Variants in REL observed in about 807,000 individuals in gnomAD.
REL encodes the protein REL proto-oncogene, NF-kB subunit.
REL carries 15 observed loss-of-function variants against 45.9 expected under a neutral mutation model. The observed-to-expected ratio is 0.33, with a 90% confidence interval of 0.22 to 0.50. REL has a LOEUF of 0.50. REL is among the 20% of genes least tolerant of loss of function. REL has a pLI of 0.98. For missense variants in REL, 601 were observed against 715.2 expected, an observed-to-expected ratio of 0.84 and a Z score of 1.82; for synonymous variants, 239 against 242.1, an observed-to-expected ratio of 0.99 and a Z score of 0.12.
intron 4 of REL, 42 bp downstream of exon 4, chr2:60,901,125 T>C: frequency 6.7e-7 from 1 of 1,503,694 alleles, no homozygotes; most frequent in Non-Finnish European, 8.8e-7. Context: ...ATTTGGGTGT[T>C]GATTTCTGTT....
At chr2:60,885,326 CAG>C (rs1174527038) in intron 1 of REL, among the ~76,000 whole-genome samples, 4 of 152,100 alleles carry the variant, frequency 2.6e-5, no homozygotes, top group African/African-American at 9.7e-5. Context: ...ATTTTTAAAA[CAG>C]AGGTGATTTG....
At position 60,920,035 on chromosome 2, in the gene REL, A is replaced by C. The variant is rs776325358; in HGVS notation, c.854-6A>C. On this transcript the variant is annotated splice_polypyrimidine_tract_variant and splice_region_variant and intron_variant, in intron 7 of 9. Coordinates refer to ENST00000394479, the MANE Select transcript of REL (RefSeq NM_001291746.2). Reference sequence around the variant, plus strand: ...TTATCTGCTTTCCTGGTTTCTTTCTAATCAGATACTTACGGCAATAAAGCA... The same window carrying C: ...TTATCTGCTTTCCTGGTTTCTTTCTCATCAGATACTTACGGCAATAAAGCA... 36 of 1,596,332 alleles carry C rather than the reference A, an allele frequency of 2.3e-5. No individual in the cohort carries two copies. The highest frequency in any genetic ancestry group is 3.1e-5 in the Non-Finnish European group (36 of 1,168,562).
chr2:60,918,530 A>G lies in REL; in HGVS notation c.777A>G (p.Val259=), dbSNP rs1674046221. ...YCKAITEPVT[V]KMQLRRPSDQ... is the part of the protein sequence containing the mutation. ...AAGCTATCACAGAACCCGTAACAGT[A>G]AAAATGCAGTTGCGGAGACCTTCTG... Residue 259 remains valine (V), a synonymous_variant, in exon 7 of 10, where the codon GTA becomes GTG. Coordinates refer to ENST00000394479, the MANE Select transcript of REL (RefSeq NM_001291746.2). The G allele has an allele frequency of 1.2e-6, 2 of 1,614,140 alleles. No homozygotes were observed. Among genetic ancestry groups the G allele is most frequent in the Non-Finnish European group, 1.7e-6 (2 of 1,179,988 alleles).
At chr2:60,893,046 C>T (rs1038302378) in intron 2 of REL, among the ~76,000 whole-genome samples, 6 of 152,194 alleles carry the variant, frequency 3.9e-5, no homozygotes, top group Non-Finnish European at 5.9e-5. Context: ...AGCCAACATG[C>T]CCAGCCCAAT....
At position 60,926,668 on chromosome 2, in the gene REL, G is replaced by A. The variant is rs34518355; in HGVS notation, c.*4133G>A. The A allele has an allele frequency of 0.24, 55,688 of 227,656 alleles. 8,478 individuals are homozygous for A. Among genetic ancestry groups the A allele is most frequent in the Non-Finnish European group, 0.34 (39,105 of 114,658 alleles). The allele number at this position is 227,656 out of a possible 1,614,324, so 14.1% of individuals were successfully genotyped here. On this transcript the variant is annotated 3_prime_UTR_variant, in exon 10 of 10. Transcript: ENST00000394479. ...CCTGAATGTCCTGATAAACTGGCTC[G>A]CTCTCTTCTTTACCTTCCATAATGG... is the stretch of plus-strand genomic sequence containing the variant.
In REL at chr2:60,926,822, C is replaced by T; in HGVS notation, c.*4287C>T. 4.4e-6 allele frequency: 1 copy of T among 227,978 alleles called. No homozygotes were observed. Among genetic ancestry groups the T allele is most frequent in the East Asian group, 6.2e-5 (1 of 16,040 alleles). The allele number at this position is 227,978 out of a possible 1,614,324, so 14.1% of individuals were successfully genotyped here. A position where few individuals can be genotyped will look rare whatever the true frequency, so the allele number is the denominator to read the frequency against. On this transcript the variant is annotated 3_prime_UTR_variant, in exon 10 of 10. Coordinates refer to ENST00000394479, the MANE Select transcript of REL (RefSeq NM_001291746.2). ...TTGTCTCCTCTTGAATATGTCCCTTCTTAATTCCTGCTGCCTTCTTAGTAA... is the reference window on the plus strand; with the variant it reads ...TTGTCTCCTCTTGAATATGTCCCTTTTTAATTCCTGCTGCCTTCTTAGTAA...
intron 4 of REL, among the ~76,000 whole-genome samples, chr2:60,902,890 A>AT (rs1300052183): frequency 2.6e-5 from 4 of 152,106 alleles, no homozygotes; most frequent in Admixed American, 2.6e-4. Context: ...CACCCGGTCT[A>AT]TTTAGTCTTC....
rs11339518 is a variant in REL, at chr2:60,925,696, ATT to A, written c.*3174_*3175del. ...ATGATGATGGATGATAGGTGGGGAG[ATT>A]TTTTTTTTTTTTAATACAGAATCTC... On this transcript the variant is annotated 3_prime_UTR_variant, in exon 10 of 10. Coordinates refer to ENST00000394479, the MANE Select transcript of REL (RefSeq NM_001291746.2). The A allele has an allele frequency of 0.017, 3,099 of 178,622 alleles. No homozygotes were observed. The highest frequency in any genetic ancestry group is 0.062 in the Middle Eastern group (29 of 468). 11.1% of individuals were successfully genotyped at this position (178,622 alleles called of 1,614,324 possible). A position where few individuals can be genotyped will look rare whatever the true frequency, so the allele number is the denominator to read the frequency against.
intron 7 of REL, among the ~76,000 whole-genome samples, chr2:60,919,106 T>C (rs1674061004): frequency 6.6e-6 from 1 of 152,246 alleles, no homozygotes. Context: ...TTTTTGAAGG[T>C]CTGTTTTAGT....
At chr2:60,885,417 G>T (rs6545835) in intron 1 of REL, among the ~76,000 whole-genome samples, 32,604 of 151,988 alleles carry the variant, frequency 0.21, 3,631 homozygotes, top group Middle Eastern at 0.35. Context: ...ACCCTGGCAC[G>T]TGCAAGAGTT....
At chr2:60,891,467 A>T (rs2103926744) in intron 1 of REL, among the ~76,000 whole-genome samples, 1 of 152,248 alleles carries the variant, frequency 6.6e-6, no homozygotes, top group Non-Finnish European at 1.5e-5. Flanking sequence ...GGTTTGAATG[A>T]CTTGTTTTGA....
intron 1 of REL, among the ~76,000 whole-genome samples, chr2:60,886,142 T>G (rs1355708469): frequency 2.6e-5 from 4 of 152,206 alleles, no homozygotes; most frequent in African/African-American, 9.6e-5. Flanking sequence ...AGGAGTGTGT[T>G]AGAATTTCTT....
At chr2:60,919,985 G>T (rs1249578736) in intron 7 of REL, 56 bp from the exon 8 acceptor site, 3 of 1,068,846 alleles carry the variant, frequency 2.8e-6, no homozygotes, top group Non-Finnish European at 4.2e-6. Context: ...GTTTATTAAA[G>T]GAGAGGATAC....
chr2:60,918,217 A>G lies in REL; in HGVS notation c.562A>G (p.Ile188Val). Residue 188 changes from isoleucine to valine, a missense_variant, in exon 6 of 10, where the codon ATT becomes GTT. Transcript: ENST00000394479. ...TGCTCCAAATACTGCAGAATTAAGG[A>G]TTTGTCGTGTAAACAAGAATTGTGG... ...NRAPNTAELR[I>V]CRVNKNCGSV... The G allele has an allele frequency of 6.2e-7, 1 of 1,607,762 alleles. No individual in the cohort carries two copies. Among genetic ancestry groups the G allele is most frequent in the Non-Finnish European group, 8.5e-7 (1 of 1,176,518 alleles).
chr2:60,891,761 G>A lies in REL; in HGVS notation c.89G>A (p.Arg30Gln), dbSNP rs1673221568. ...GMRFRYKCEGRSAGSIPGEHS... is the reference protein window; with the variant it reads ...GMRFRYKCEGQSAGSIPGEHS... ...CGTTTTAGATACAAATGTGAAGGGC[G>A]ATCAGCAGGCAGCATTCCAGGGGAG... The change falls in exon 2 of 10, where the codon CGA becomes CAA. Residue 30 changes from arginine to glutamine, a missense_variant. Transcript: ENST00000394479. 3.1e-6 allele frequency: 5 copies of A among 1,614,002 alleles called. No individual in the cohort carries two copies. The highest frequency in any genetic ancestry group is 4.2e-6 in the Non-Finnish European group (5 of 1,179,942).
intron 4 of REL, among the ~76,000 whole-genome samples, chr2:60,906,367 C>G (rs1176457577): frequency 1.3e-5 from 2 of 152,100 alleles, no homozygotes; most frequent in African/African-American, 4.8e-5. Context: ...GCTTACCCAG[C>G]CCACTAAATT....
intron 4 of REL, among the ~76,000 whole-genome samples, chr2:60,904,630 G>A (rs756560680): frequency 5.3e-5 from 8 of 151,604 alleles, no homozygotes; most frequent in African/African-American, 9.7e-5. Context: ...TCTTATGCCT[G>A]TAATCCCAGC....
At chr2:60,887,142 T>A (rs1293150508) in intron 1 of REL, among the ~76,000 whole-genome samples, 3 of 152,224 alleles carry the variant, frequency 2.0e-5, no homozygotes. Flanking sequence ...TCAGGAAGAA[T>A]GGCATTGTGC....
chr2:60,894,316 T>C, intron 2 of REL, 81 bp from the exon 3 acceptor site: 1 of 814,508 alleles, frequency 1.2e-6, no homozygotes, highest in South Asian at 3.4e-5. Context: ...TTATAATTAA[T>C]GTAAATTGAA....
Sources: allele counts gnomAD v4.1 joint callset (sites outside exome capture counted in the v4.1 genomes callset), GRCh38; gene constraint gnomAD v4.1.1; transcripts MANE v1.5; gene names NCBI Gene and HGNC (gene_info 2026-07-23, HGNC 2026-07-21).